The following LPA variants were observed in gnomAD, a reference collection of about 807,000 sequenced individuals.
LPA encodes lipoprotein(a).
A neutral mutation model predicts 197.9 loss-of-function variants in LPA; 199 were observed. That is an observed-to-expected ratio of 1.01 (90% confidence interval 0.90 to 1.13). The LOEUF (loss-of-function observed/expected upper bound fraction) is 1.13, where lower values mean the gene tolerates loss of function less well. Ranked by LOEUF, LPA falls within the 50% of genes most tolerant of loss-of-function variation. The probability of loss-of-function intolerance (pLI) is 0.00; values close to 1 mark genes in which losing one functional copy is unlikely to be tolerated. For synonymous variants in LPA, 715 were observed against 639.5 expected (o/e 1.12, Z -1.78); for missense variants, 1,853 against 1,785.8 (o/e 1.04, Z -0.68).
chr6:160,611,159 C>G (rs1428612111), intron 16 of LPA, among the ~76,000 whole-genome samples: 1 of 152,128 alleles, frequency 6.6e-6, no homozygotes, highest in African/African-American at 2.4e-5. Flanking sequence ...AGCACATAAA[C>G]TTTCCTCATG....
chr6:160,536,730 C>T (rs73012278), intron 37 of LPA, among the ~76,000 whole-genome samples: 19,937 of 152,146 alleles, frequency 0.13, 1,735 homozygotes, highest in Non-Finnish European at 0.19. Flanking sequence ...TGCCAAGTTT[C>T]CTTTTACCTG....
intron 28 of LPA, among the ~76,000 whole-genome samples, chr6:160,566,003 C>T (rs1362154243): frequency 6.6e-6 from 1 of 152,128 alleles, no homozygotes; most frequent in African/African-American, 2.4e-5. Flanking sequence ...AAGAAATGAA[C>T]AAAGCCTCCA....
chr6:160,591,909 G>T (rs1265823915), intron 22 of LPA, among the ~76,000 whole-genome samples: 3 of 152,132 alleles, frequency 2.0e-5, no homozygotes, highest in Non-Finnish European at 4.4e-5. Flanking sequence ...TAGATCAACT[G>T]TCAAAATGTT....
intron 1 of LPA, among the ~76,000 whole-genome samples, chr6:160,650,866 GC>G (rs1779993160): frequency 1.3e-5 from 2 of 152,154 alleles, no homozygotes; most frequent in Non-Finnish European, 2.9e-5. Context: ...GTGGTGATGG[GC>G]TGTCAGGGTC....
chr6:160,574,442 G>A (rs932702263), intron 28 of LPA, among the ~76,000 whole-genome samples: 1 of 151,974 alleles, frequency 6.6e-6, no homozygotes, highest in Non-Finnish European at 1.5e-5. Flanking sequence ...TGTTCAAATT[G>A]TTAGAAAGTT....
chr6:160,593,777 G>C (rs371158623), intron 22 of LPA, among the ~76,000 whole-genome samples, 181 bp downstream of exon 22: 1 of 152,174 alleles, frequency 6.6e-6, no homozygotes, highest in Non-Finnish European at 1.5e-5. Flanking sequence ...TGAGAAAAGA[G>C]AGCTGGCCTG....
chr6:160,546,216 G>A (rs566957894), intron 32 of LPA, among the ~76,000 whole-genome samples: 10 of 152,272 alleles, frequency 6.6e-5, no homozygotes, highest in African/African-American at 2.4e-4. Flanking sequence ...TCCAGGGAGG[G>A]AAGAGGGGCC....
chr6:160,565,674 T>C (rs1248125155), intron 28 of LPA, among the ~76,000 whole-genome samples: 4 of 152,152 alleles, frequency 2.6e-5, no homozygotes, highest in African/African-American at 7.2e-5. Flanking sequence ...GGACAGAGAA[T>C]GACTTTGATG....
At chr6:160,583,431 T>C (rs1284357499) in intron 26 of LPA, among the ~76,000 whole-genome samples, 1 of 152,174 alleles carries the variant, frequency 6.6e-6, no homozygotes, top group African/African-American at 2.4e-5. Context: ...AGGAATGCAT[T>C]AATTCTACTC....
chr6:160,656,946 A>G (rs1780142823), intron 1 of LPA, among the ~76,000 whole-genome samples: 1 of 152,208 alleles, frequency 6.6e-6, no homozygotes, highest in Non-Finnish European at 1.5e-5. Context: ...CCAATGCCAG[A>G]GCTCTACATG....
At chr6:160,576,690 G>GTATATATATA (rs71033585) in intron 28 of LPA, among the ~76,000 whole-genome samples, 68 of 76,644 alleles carry the variant, frequency 8.9e-4, no homozygotes, top group Middle Eastern at 0.011. Flanking sequence ...GTGTGTGTGT[G>GTATATATATA]TATATATATA....
At chr6:160,568,285 C>A (rs1778499537) in intron 28 of LPA, among the ~76,000 whole-genome samples, 1 of 152,176 alleles carries the variant, frequency 6.6e-6, no homozygotes, top group Non-Finnish European at 1.5e-5. Flanking sequence ...AAAAGCTTAT[C>A]CACCATGATC....
At chr6:160,553,247 T>C (rs1778194155) in intron 30 of LPA, among the ~76,000 whole-genome samples, 1 of 152,230 alleles carries the variant, frequency 6.6e-6, no homozygotes, top group East Asian at 1.9e-4. Flanking sequence ...GTATTTTATA[T>C]TGACATTGCC....
intron 14 of LPA, among the ~76,000 whole-genome samples, chr6:160,615,387 G>C (rs1298597135): frequency 4.3e-5 from 3 of 69,688 alleles, no homozygotes; most frequent in African/African-American, 7.6e-5. Flanking sequence ...TGTGTGTGTA[G>C]CTCATTCTGT....
chr6:160,604,327 T>C (rs1443209815), intron 18 of LPA, among the ~76,000 whole-genome samples: 3 of 151,026 alleles, frequency 2.0e-5, no homozygotes, highest in African/African-American at 5.0e-5. Context: ...TTGTTCCCCC[T>C]GTCACTATTC....
chr6:160,562,307 C>A (rs1354494671), intron 28 of LPA, among the ~76,000 whole-genome samples: 1 of 152,178 alleles, frequency 6.6e-6, no homozygotes, highest in Non-Finnish European at 1.5e-5. Context: ...AAGGCCTTTT[C>A]TGCGTCTATT....
chr6:160,578,669 G>A lies in LPA; in HGVS notation c.4325C>T (p.Ala1442Val). The change falls in exon 27 of 39, where the codon GCT becomes GTT. Residue 1442 changes from alanine to valine, a missense_variant. Around this residue, in one of 3 missense-constraint regions of LPA, gnomAD observed 1,737 missense variants for 1,504.4 expected, o/e 1.15. Transcript: ENST00000316300. ...LTRNYCRNPD[A>V]EIRPWCYTMD... Reference sequence around the variant, plus strand: ...GGTGTAACACCAAGGGCGAATCTCAGCATCTGGATTCCTGCAGTAGTTCCT... The same window carrying A: ...GGTGTAACACCAAGGGCGAATCTCAACATCTGGATTCCTGCAGTAGTTCCT... 6.2e-7 allele frequency: 1 copy of A among 1,613,890 alleles called. No homozygotes were observed. The highest frequency in any genetic ancestry group is 2.2e-5 in the East Asian group (1 of 44,842).
At chr6:160,597,486 T>C (rs1310820486) in intron 20 of LPA, among the ~76,000 whole-genome samples, 1 of 152,064 alleles carries the variant, frequency 6.6e-6, no homozygotes, top group African/African-American at 2.4e-5. Flanking sequence ...ACGTGTGCCA[T>C]TGTGTGTATA....
intron 37 of LPA, among the ~76,000 whole-genome samples, chr6:160,534,973 G>A (rs928490607): frequency 1.4e-4 from 21 of 151,530 alleles, no homozygotes; most frequent in Non-Finnish European, 2.8e-4. Context: ...TGATGATGGT[G>A]GTGCTGGTGA....
Sources: gnomAD v4.1 joint callset for allele counts (sites outside exome capture counted in the v4.1 genomes callset) on GRCh38, gnomAD v4.1.1 for gene constraint, gnomAD v4.1.1 regional missense constraint, MANE v1.5 for transcripts, NCBI Gene and HGNC (gene_info 2026-07-23, HGNC 2026-07-21) for gene names.